Variants in ANK3 observed in about 807,000 individuals in gnomAD.
The protein encoded by ANK3 is ankyrin-3.
ANK3 carries 57 observed loss-of-function variants against 370.9 expected under a neutral mutation model. The observed-to-expected ratio is 0.15, with a 90% CI of 0.12 to 0.19. The LOEUF (loss-of-function observed/expected upper bound fraction) is 0.19, where lower values mean the gene tolerates loss of function less well. Among genes scored for constraint, ANK3 ranks in the 10% least tolerant of loss-of-function variants. The pLI is 1.00. For synonymous variants in ANK3, 1,929 were observed against 1,946.3 expected, an observed-to-expected ratio of 0.99 and a Z score of 0.23; for missense variants, 4,439 against 5,302.1, an observed-to-expected ratio of 0.84 and a Z score of 5.06.
intron 1 of ANK3, among the ~76,000 whole-genome samples, chr10:60,313,869 A>C (rs1469857241): frequency 6.6e-6 from 1 of 152,092 alleles, no homozygotes; most frequent in African/African-American, 2.4e-5. Flanking sequence ...CAGCTAAAAA[A>C]AATAGCACCT....
intron 40 of ANK3, chr10:60,062,582 A>G (rs1456342562): frequency 6.6e-6 from 1 of 152,246 alleles, no homozygotes; most frequent in Non-Finnish European, 1.5e-5. Context: ...AACGAACGCT[A>G]AATAACTAAA....
chr10:60,062,990 G>GA, intron 40 of ANK3, 121 bp downstream of exon 40: 1 of 1,039,452 alleles, frequency 9.6e-7, no homozygotes, highest in Non-Finnish European at 1.4e-6. Context: ...CTCTGGCAGA[G>GA]AAAATGAGAA....
At chr10:60,595,198 G>A (rs1353883951) in intron 2 of ANK3, among the ~76,000 whole-genome samples, 2 of 152,074 alleles carry the variant, frequency 1.3e-5, no homozygotes, top group South Asian at 4.1e-4. Context: ...ACAGCCCAGG[G>A]AGAGCTAACT....
chr10:60,648,803 T>C (rs944699829), intron 1 of ANK3, among the ~76,000 whole-genome samples: 2 of 147,944 alleles, frequency 1.4e-5, no homozygotes, highest in African/African-American at 5.0e-5. Flanking sequence ...TGGGAGTAGA[T>C]ACTGCTTCTG....
intron 2 of ANK3, among the ~76,000 whole-genome samples, chr10:60,510,662 T>C (rs1384705273): frequency 2.0e-5 from 3 of 151,714 alleles, no homozygotes; most frequent in Non-Finnish European, 4.4e-5. Flanking sequence ...GTAAAATATA[T>C]TAAAAAATTC....
At chr10:60,256,298 G>A (rs2097734023) in intron 7 of ANK3, among the ~76,000 whole-genome samples, 1 of 152,078 alleles carries the variant, frequency 6.6e-6, no homozygotes, top group Admixed American at 6.5e-5. Flanking sequence ...AGTACTAATG[G>A]TAGAGTAGGT....
At chr10:60,207,414 T>C (rs1308549242) in intron 10 of ANK3, among the ~76,000 whole-genome samples, 1 of 152,216 alleles carries the variant, frequency 6.6e-6, no homozygotes, top group Non-Finnish European at 1.5e-5. Flanking sequence ...TGGGTACTTA[T>C]TCTGAAATAG....
At chr10:60,535,526 T>G (rs972913135) in intron 2 of ANK3, among the ~76,000 whole-genome samples, 2 of 152,060 alleles carry the variant, frequency 1.3e-5, no homozygotes, top group African/African-American at 2.4e-5. Context: ...CAGCCTAATG[T>G]TACATCTAAG....
intron 43 of ANK3, among the ~76,000 whole-genome samples, chr10:60,030,808 C>A (rs1181958110): frequency 1.3e-5 from 2 of 152,130 alleles, no homozygotes; most frequent in Non-Finnish European, 2.9e-5. Flanking sequence ...GTTTGGTGTT[C>A]GACTGTCCAT....
chr10:60,137,248 C>T (rs1222103765), intron 24 of ANK3: 2 of 252,260 alleles, frequency 7.9e-6, no homozygotes, highest in African/African-American at 4.6e-5. Context: ...CAGCACATCA[C>T]AGCACATCAC....
chr10:60,259,474 TGTAA>T (rs2097775837), intron 7 of ANK3, among the ~76,000 whole-genome samples: 1 of 152,184 alleles, frequency 6.6e-6, no homozygotes, highest in African/African-American at 2.4e-5. Flanking sequence ...AAAAGCACAG[TGTAA>T]GTATTTTAAA....
chr10:60,356,437 C>G (rs947714383), intron 1 of ANK3, among the ~76,000 whole-genome samples: 1 of 152,152 alleles, frequency 6.6e-6, no homozygotes, highest in African/African-American at 2.4e-5. Context: ...GGTGTGGCAT[C>G]TACTGGCTTG....
intron 7 of ANK3, among the ~76,000 whole-genome samples, chr10:60,247,552 C>G (rs1458531134): frequency 6.6e-6 from 1 of 152,156 alleles, no homozygotes; most frequent in African/African-American, 2.4e-5. Context: ...AACCACCATC[C>G]TACTTTTGTC....
At chr10:60,065,913 T>C (rs1274622114) in intron 38 of ANK3, among the ~76,000 whole-genome samples, 1 of 152,118 alleles carries the variant, frequency 6.6e-6, no homozygotes, top group East Asian at 1.9e-4. Context: ...AAAACCAAGA[T>C]CAGAAAATAT....
At chr10:60,657,338 C>T (rs778162015) in intron 1 of ANK3, among the ~76,000 whole-genome samples, 2 of 152,076 alleles carry the variant, frequency 1.3e-5, no homozygotes, top group African/African-American at 2.4e-5. Flanking sequence ...TATCAGGAGA[C>T]AAGGTCTTGT....
At chr10:60,661,739 G>A (rs1454959551) in intron 1 of ANK3, among the ~76,000 whole-genome samples, 6 of 152,162 alleles carry the variant, frequency 3.9e-5, no homozygotes, top group Admixed American at 6.6e-5. Flanking sequence ...GTTTCCAGGC[G>A]TAGCTGCAAG....
At chr10:60,345,018 T>C (rs4582919) in intron 1 of ANK3, among the ~76,000 whole-genome samples, 76,302 of 151,974 alleles carry the variant, frequency 0.5, 19,714 homozygotes, top group East Asian at 0.69. Context: ...ATGGGTTTGC[T>C]AGTAAATGTC....
intron 2 of ANK3, among the ~76,000 whole-genome samples, chr10:60,517,380 G>A (rs1595189266): frequency 6.6e-6 from 1 of 152,056 alleles, no homozygotes; most frequent in East Asian, 1.9e-4. Context: ...AGTTTTCTTA[G>A]CTATGAAACT....
rs567891013 is a variant in ANK3 at position 60,369,790 on chromosome 10, G to A, written c.114+19635C>T. ...CTTATCTAAGATAAACTCTTATCAC[G>A]TTAGATATCTGTTTATTTATTTCTG... On this transcript the variant is annotated intron_variant, in intron 1 of 43. Coordinates refer to ENST00000280772, the MANE Select transcript of ANK3 (RefSeq NM_020987.5). 2.3e-4 allele frequency among the ~76,000 whole-genome samples: 35 copies of A among 152,104 alleles called. No homozygotes were observed. In the South Asian group the frequency reaches 7.1e-3, roughly 31 times the overall value.
Sources: allele counts gnomAD v4.1 joint callset (sites outside exome capture counted in the v4.1 genomes callset), GRCh38; gene constraint gnomAD v4.1.1; transcripts MANE v1.5; gene names NCBI Gene and HGNC (gene_info 2026-07-23, HGNC 2026-07-21).